The following ROBO1 variants were observed in gnomAD, a reference collection of about 807,000 sequenced individuals.
The protein encoded by ROBO1 is roundabout homolog 1.
Under a neutral mutation model 195.9 loss-of-function variants are expected in ROBO1, and 149 were observed. The ratio of observed to expected loss-of-function variants is 0.76; its 90% CI spans 0.67 to 0.87. ROBO1 has a LOEUF of 0.87. ROBO1 is among the 40% of genes least tolerant of loss of function. ROBO1 has a pLI of 0.00. For missense variants in ROBO1, 1,933 were observed against 2,068.3 expected, an observed-to-expected ratio of 0.93 and a Z score of 1.27; for synonymous variants, 816 against 733.2, an observed-to-expected ratio of 1.11 and a Z score of -1.82.
chr3:79,465,411 T>G (rs1937907449), intron 2 of ROBO1, among the ~76,000 whole-genome samples: 1 of 152,222 alleles, frequency 6.6e-6, no homozygotes, highest in Non-Finnish European at 1.5e-5. Flanking sequence ...TACGCATTTT[T>G]GTCTACAAGA....
intron 3 of ROBO1, among the ~76,000 whole-genome samples, chr3:79,068,962 T>C (rs1039661839): frequency 4.6e-5 from 7 of 151,898 alleles, no homozygotes; most frequent in African/African-American, 1.7e-4. Context: ...TTTTGTTCTC[T>C]CCATGCACTT....
chr3:78,931,243 T>TTC (rs746896580), intron 4 of ROBO1, among the ~76,000 whole-genome samples: 2 of 131,932 alleles, frequency 1.5e-5, no homozygotes, highest in African/African-American at 3.3e-5. Flanking sequence ...TTTCTTTTTT[T>TTC]TTTTTTTTTT....
chr3:79,473,517 A>C (rs1938393144), intron 2 of ROBO1, among the ~76,000 whole-genome samples: 1 of 152,116 alleles, frequency 6.6e-6, no homozygotes, highest in African/African-American at 2.4e-5. Context: ...ACTCGGAGAA[A>C]TAATACCCGC....
intron 2 of ROBO1, among the ~76,000 whole-genome samples, chr3:79,284,885 A>C (rs1436388093): frequency 1.3e-5 from 2 of 152,100 alleles, no homozygotes; most frequent in East Asian, 1.9e-4. Flanking sequence ...AATTAACTTA[A>C]TTATTACTCA....
At chr3:78,856,522 A>C (rs1386551147) in intron 4 of ROBO1, among the ~76,000 whole-genome samples, 1 of 151,908 alleles carries the variant, frequency 6.6e-6, no homozygotes, top group Non-Finnish European at 1.5e-5. Context: ...ACATGCAATT[A>C]ATTCTCTCAA....
At chr3:79,164,783 C>A (rs778924425) in intron 2 of ROBO1, among the ~76,000 whole-genome samples, 8 of 152,200 alleles carry the variant, frequency 5.3e-5, no homozygotes, top group Non-Finnish European at 1.0e-4. Flanking sequence ...TCTCCCCTTG[C>A]TCTATCTGTT....
intron 4 of ROBO1, among the ~76,000 whole-genome samples, chr3:78,875,035 A>G (rs1031375615): frequency 6.6e-6 from 1 of 152,056 alleles, no homozygotes; most frequent in African/African-American, 2.4e-5. Flanking sequence ...TGAGGTGTGT[A>G]GAACTGTACT....
chr3:79,045,110 TGAAA>T (rs2078566010), intron 3 of ROBO1, among the ~76,000 whole-genome samples: 1 of 151,562 alleles, frequency 6.6e-6, no homozygotes, highest in Admixed American at 6.6e-5. Context: ...ATCCTTGAAA[TGAAA>T]GAATGATGCC....
intron 16 of ROBO1, chr3:78,660,157 G>A: frequency 5.8e-6 from 1 of 172,884 alleles, no homozygotes; most frequent in East Asian, 1.6e-4. Flanking sequence ...GTGACTTCAG[G>A]TGATCCGCCC....
Position 79,003,248 on chromosome 3 carries a change from C to G in ROBO1, c.173-64321G>C, listed in dbSNP as rs145558360. ...AACTGTCAAATTAACGCTGAATTTT[C>G]CTTGACAATGCTCATGCCTTCTCTG... On this transcript the variant is annotated intron_variant, in intron 3 of 30. Transcript: ENST00000464233. Among the ~76,000 whole-genome samples, 167 of 152,236 alleles carry G rather than the reference C, an allele frequency of 1.1e-3. 1 individual carries two copies. The East Asian group carries it at 0.03, about 28-fold the overall frequency.
At chr3:79,753,747 C>G (rs2107488220) in intron 1 of ROBO1, among the ~76,000 whole-genome samples, 1 of 152,226 alleles carries the variant, frequency 6.6e-6, no homozygotes, top group African/African-American at 2.4e-5. Flanking sequence ...GAAACACTCA[C>G]AGAGGAGAAA....
intron 3 of ROBO1, among the ~76,000 whole-genome samples, chr3:78,955,286 G>C (rs2040991653): frequency 6.6e-6 from 1 of 151,914 alleles, no homozygotes; most frequent in South Asian, 2.1e-4. Context: ...ATGGGGGTTT[G>C]GTGTACAGAT....
At chr3:78,718,502 A>ATC (rs1270769318) in intron 5 of ROBO1, among the ~76,000 whole-genome samples, 1 of 152,138 alleles carries the variant, frequency 6.6e-6, no homozygotes, top group African/African-American at 2.4e-5. Flanking sequence ...CCAGTAAATC[A>ATC]TCAGGAAAGA....
At chr3:79,460,649 T>C (rs1937600413) in intron 2 of ROBO1, among the ~76,000 whole-genome samples, 1 of 152,220 alleles carries the variant, frequency 6.6e-6, no homozygotes, top group Non-Finnish European at 1.5e-5. Flanking sequence ...TTTATAACCC[T>C]AATGGGAACA....
At position 79,386,329 on chromosome 3, in the gene ROBO1, T is replaced by C. The variant is rs1162275238; in HGVS notation, c.88+203495A>G. The stretch of plus-strand genomic sequence containing the variant: ...AACTCAATGACTATGTAATGGGGAA[T>C]TTAAAAACGGGGAAGAGGAAGGAAA... On this transcript the variant is annotated intron_variant, in intron 2 of 30. Transcript: ENST00000464233. 2.6e-5 allele frequency among the ~76,000 whole-genome samples: 4 copies of C among 152,118 alleles called. No individual in the cohort carries two copies. In the East Asian group the frequency reaches 5.8e-4, roughly 22 times the overall value.
At chr3:78,718,217 G>A (rs371557983) in intron 5 of ROBO1, among the ~76,000 whole-genome samples, 135 of 152,206 alleles carry the variant, frequency 8.9e-4, no homozygotes, top group African/African-American at 2.9e-3. Context: ...GAATAATTTA[G>A]TTAGCAAGAG....
rs1253200048 is a variant in ROBO1 at position 79,252,336 on chromosome 3, T to TTATCACACCTA, written c.89-126798_89-126797insTAGGTGTGATA. On this transcript the variant is annotated intron_variant, in intron 2 of 30. Coordinates refer to ENST00000464233, the MANE Select transcript of ROBO1 (RefSeq NM_002941.4). The stretch of plus-strand genomic sequence containing the variant: ...TCACACTGATTTAGGGTAAGTGTCC[T>TTATCACACCTA]TATCTGGTGTCCTTCTAAGAAGGGG... 3.3e-5 allele frequency among the ~76,000 whole-genome samples: 5 copies of TTATCACACCTA among 152,232 alleles called. No individual in the cohort carries two copies. The East Asian group carries it at 9.7e-4, about 30-fold the overall frequency.
At chr3:78,990,877 A>G (rs2077221387) in intron 3 of ROBO1, among the ~76,000 whole-genome samples, 1 of 152,210 alleles carries the variant, frequency 6.6e-6, no homozygotes, top group Non-Finnish European at 1.5e-5. Context: ...AAACTTAGCA[A>G]GCAAGCTTAA....
At chr3:79,155,526 TGATA>T (rs2080843945) in intron 2 of ROBO1, among the ~76,000 whole-genome samples, 1 of 151,816 alleles carries the variant, frequency 6.6e-6, no homozygotes, top group South Asian at 2.1e-4. Flanking sequence ...TTTTCTGGGC[TGATA>T]GTTTGTCTTT....
Sources: allele counts gnomAD v4.1 joint callset (sites outside exome capture counted in the v4.1 genomes callset), GRCh38; gene constraint gnomAD v4.1.1; transcripts MANE v1.5; gene names NCBI Gene and HGNC (gene_info 2026-07-23, HGNC 2026-07-21).